Variants in TM2D1 observed in about 807,000 individuals in gnomAD.
The protein encoded by TM2D1 is TM2 domain containing 1.
In TM2D1, 15 loss-of-function variants were observed where a neutral mutation model predicts 28.4. That is an observed-to-expected ratio of 0.53 (90% CI 0.35 to 0.81). The LOEUF is 0.81. Ranked by LOEUF, TM2D1 falls within the 40% of genes least tolerant of loss-of-function variation. The pLI is 0.01. For missense variants in TM2D1, 236 were observed against 254.9 expected (o/e 0.93, Z 0.50); for synonymous variants, 93 against 96.2 (o/e 0.97, Z 0.20).
intron 2 of TM2D1, among the ~76,000 whole-genome samples, chr1:61,712,771 C>T (rs763655981): frequency 1.3e-5 from 2 of 152,128 alleles, no homozygotes; most frequent in African/African-American, 2.4e-5. Flanking sequence ...AAAGTGGACT[C>T]TAAACACCAC....
Position 61,691,955 on chromosome 1 carries a change from A to G in TM2D1, c.513+2742T>C, listed in dbSNP as rs1441884806. Among the ~76,000 whole-genome samples, 6 of 137,468 alleles carry G rather than the reference A, an allele frequency of 4.4e-5. 1 individual carries two copies. The highest frequency in any genetic ancestry group is 7.8e-5 in the African/African-American group (3 of 38,698). 90.2% of individuals were successfully genotyped at this position (137,468 alleles called of 152,430 possible). A position where few individuals can be genotyped will look rare whatever the true frequency, so the allele number is the denominator to read the frequency against. On this transcript the variant is annotated intron_variant, in intron 5 of 6. Transcript: ENST00000606498. ...AAAATATATATATATATATATATAT[A>G]TATATGTATATATATATGGCACAAA... is the stretch of plus-strand genomic sequence containing the variant.
At chr1:61,696,178 C>T (rs1033080960) in intron 4 of TM2D1, 10 of 152,124 alleles carry the variant, frequency 6.6e-5, no homozygotes, top group African/African-American at 2.4e-4. Flanking sequence ...AAATGTATTC[C>T]TCTTCACAAA....
chr1:61,723,235 T>G (rs1422481541), intron 2 of TM2D1, among the ~76,000 whole-genome samples: 1 of 152,220 alleles, frequency 6.6e-6, no homozygotes, highest in African/African-American at 2.4e-5. Flanking sequence ...AAATGACATT[T>G]ATCAAAGTGA....
At chr1:61,691,950 T>A (rs1334549988) in intron 5 of TM2D1, among the ~76,000 whole-genome samples, 5 of 133,422 alleles carry the variant, frequency 3.7e-5, no homozygotes, top group Non-Finnish European at 8.1e-5. Flanking sequence ...TATATATATA[T>A]ATATATATAT....
chr1:61,699,540 A>C (rs11207811), intron 4 of TM2D1: 38,483 of 151,978 alleles, frequency 0.25, 4,985 homozygotes, highest in South Asian at 0.39. Context: ...ATTGTCCCCT[A>C]ATCTCCCAGT....
At position 61,709,315 on chromosome 1, in the gene TM2D1, A is replaced by G. The variant is rs752714931; in HGVS notation, c.347+14T>C. 1.3e-5 allele frequency: 20 copies of G among 1,544,266 alleles called. No homozygotes were observed. The highest frequency in any genetic ancestry group is 1.8e-5 in the Non-Finnish European group (20 of 1,121,914). On this transcript the variant is annotated intron_variant, in intron 3 of 6. Transcript: ENST00000606498. Reference sequence around the variant, plus strand: ...CAAGTAATCTGAAAATTTAAGTTTCAGTAATGTACTTACACATTTCGGCAA... The same window carrying G: ...CAAGTAATCTGAAAATTTAAGTTTCGGTAATGTACTTACACATTTCGGCAA...
chr1:61,709,492 T>C (rs1644462726), intron 2 of TM2D1, 55 bp from the exon 3 acceptor site: 1 of 1,266,200 alleles, frequency 7.9e-7, no homozygotes, highest in Admixed American at 1.7e-5. Context: ...AGAAACAGTA[T>C]GTAATTGTTC....
intron 2 of TM2D1, among the ~76,000 whole-genome samples, chr1:61,710,560 G>A (rs545581142): frequency 6.9e-6 from 1 of 144,692 alleles, no homozygotes; most frequent in South Asian, 2.2e-4. Flanking sequence ...TAGCACCATT[G>A]TAAGAATATA....
At chr1:61,717,882 C>T (rs1254316895) in intron 2 of TM2D1, among the ~76,000 whole-genome samples, 1 of 151,724 alleles carries the variant, frequency 6.6e-6, no homozygotes, top group Non-Finnish European at 1.5e-5. Context: ...GGACTGGTGG[C>T]GCATGTCTGT....
chr1:61,715,863 G>A (rs1328682664), intron 2 of TM2D1, among the ~76,000 whole-genome samples: 5 of 150,348 alleles, frequency 3.3e-5, no homozygotes, highest in Admixed American at 6.6e-5. Flanking sequence ...GTACAGTGGC[G>A]CGATCTCGGC....
chr1:61,702,495 A>C (rs1644409125), intron 3 of TM2D1, among the ~76,000 whole-genome samples: 1 of 150,882 alleles, frequency 6.6e-6, no homozygotes, highest in Non-Finnish European at 1.5e-5. Context: ...CAGCCCCCCA[A>C]GTACCTGGGA....
At position 61,719,409 on chromosome 1, in the gene TM2D1, C is replaced by CAGAGAGAGAG. The variant is rs59016152; in HGVS notation, c.238+4294_238+4303dup. On this transcript the variant is annotated intron_variant, in intron 2 of 6. Transcript: ENST00000606498. Reference sequence around the variant, plus strand: ...CTAGTGGCAGAAAAAAGTATATACACAGAGAGAGAGAGAGAGAGAGAGAGT... The same window carrying CAGAGAGAGAG: ...CTAGTGGCAGAAAAAAGTATATACACAGAGAGAGAGAGAGAGAGAGAGAGAGAGAGAGAGT... Among the ~76,000 whole-genome samples, 113 of 149,320 alleles carry CAGAGAGAGAG rather than the reference C, an allele frequency of 7.6e-4. 1 individual carries two copies. The highest frequency in any genetic ancestry group is 2.4e-3 in the African/African-American group (100 of 40,936).
At chr1:61,705,464 G>A (rs1187804407) in intron 3 of TM2D1, among the ~76,000 whole-genome samples, 3 of 152,120 alleles carry the variant, frequency 2.0e-5, no homozygotes, top group African/African-American at 7.2e-5. Context: ...GGGATTACAG[G>A]AGTGAGCCAC....
chr1:61,715,445 C>T (rs1488013247), intron 2 of TM2D1, among the ~76,000 whole-genome samples: 1 of 151,588 alleles, frequency 6.6e-6, no homozygotes, highest in Admixed American at 6.6e-5. Flanking sequence ...TCCAGGAATT[C>T]GAGACCAGCC....
chr1:61,700,941 A>AG lies in TM2D1; in HGVS notation c.431dup (p.Ala145CysfsTer20). ...TTAATGAAACATACGCACCCAAAGC[A>AG]GGGTATCCAAGGTAAAATCGATCTG... is the stretch of plus-strand genomic sequence containing the variant. On this transcript the variant is annotated frameshift_variant, in exon 4 of 7. Coordinates refer to ENST00000606498, the MANE Select transcript of TM2D1 (RefSeq NM_032027.3). LOFTEE classifies it high-confidence loss of function. 6.2e-7 allele frequency: 1 copy of AG among 1,606,718 alleles called. No homozygotes were observed. The highest frequency in any genetic ancestry group is 8.5e-7 in the Non-Finnish European group (1 of 1,176,702).
chr1:61,720,918 A>G (rs568012836), intron 2 of TM2D1, among the ~76,000 whole-genome samples: 3 of 152,118 alleles, frequency 2.0e-5, no homozygotes, highest in African/African-American at 7.2e-5. Context: ...CTACCCAAAC[A>G]TTAGTTTATG....
At chr1:61,719,710 G>A (rs1250207067) in intron 2 of TM2D1, among the ~76,000 whole-genome samples, 1 of 151,962 alleles carries the variant, frequency 6.6e-6, no homozygotes, top group Non-Finnish European at 1.5e-5. Context: ...GGTGGGGCTG[G>A]TCTTGAACTC....
At chr1:61,693,229 C>A (rs1644341444) in intron 5 of TM2D1, among the ~76,000 whole-genome samples, 1 of 152,048 alleles carries the variant, frequency 6.6e-6, no homozygotes, top group Non-Finnish European at 1.5e-5. Flanking sequence ...CACAGTGAGA[C>A]CCTGTCTCAA....
At chr1:61,703,329 T>G (rs1204535489) in intron 3 of TM2D1, among the ~76,000 whole-genome samples, 2 of 147,510 alleles carry the variant, frequency 1.4e-5, no homozygotes, top group South Asian at 2.1e-4. Context: ...ATATTTAATA[T>G]AAGATGGTAA....
Sources: gnomAD v4.1 joint callset for allele counts (sites outside exome capture counted in the v4.1 genomes callset) on GRCh38, gnomAD v4.1.1 for gene constraint, MANE v1.5 for transcripts, NCBI Gene and HGNC (gene_info 2026-07-23, HGNC 2026-07-21) for gene names.